The following POLRMT variants were observed in gnomAD, a reference collection of about 807,000 sequenced individuals.
POLRMT encodes DNA-directed RNA polymerase, mitochondrial.
POLRMT carries 114 observed loss-of-function variants against 132.2 expected under a neutral mutation model. The ratio of observed to expected loss-of-function variants is 0.86; its 90% CI spans 0.74 to 1.01. The LOEUF (loss-of-function observed/expected upper bound fraction) is 1.01, where lower values mean the gene tolerates loss of function less well. Ranked by LOEUF, POLRMT falls within the 50% of genes least tolerant of loss-of-function variation. POLRMT has a pLI of 0.00. For missense variants in POLRMT, 2,003 were observed against 1,729.1 expected (o/e 1.16, Z -2.81); for synonymous variants, 1,020 against 773.4 (o/e 1.32, Z -5.29).
At chr19:622,435 C>G in intron 8 of POLRMT, 62 bp from the exon 9 acceptor site, 1 of 1,475,710 alleles carries the variant, frequency 6.8e-7, no homozygotes, top group Non-Finnish European at 9.0e-7. Context: ...GCCCCACCGC[C>G]CGTGCCTGAC....
In POLRMT at chr19:632,542, G is replaced by A. The variant is rs1455047196; in HGVS notation, c.193+292C>T. On this transcript the variant is annotated intron_variant, in intron 2 of 20. Coordinates refer to ENST00000588649, the MANE Select transcript of POLRMT (RefSeq NM_005035.4). ...GTGGCCTTGGCGGCGGGGCCGGGGGGGGGGTCTCTCCAGACATAATCTTGG... is the reference window on the plus strand; with the variant it reads ...GTGGCCTTGGCGGCGGGGCCGGGGGAGGGGTCTCTCCAGACATAATCTTGG... 9.2e-5 allele frequency among the ~76,000 whole-genome samples: 14 copies of A among 151,770 alleles called. No individual in the cohort carries two copies. The East Asian group carries it at 2.7e-3, about 29-fold the overall frequency.
intron 3 of POLRMT, among the ~76,000 whole-genome samples, chr19:625,993 G>A (rs938816672): frequency 2.6e-5 from 4 of 152,084 alleles, no homozygotes; most frequent in East Asian, 1.9e-4. Flanking sequence ...GCACCACCGC[G>A]CCCGGCCATC....
intron 9 of POLRMT, 149 bp downstream of exon 9, chr19:622,000 C>A (rs2238548): frequency 8.8e-7 from 1 of 1,134,820 alleles, no homozygotes; most frequent in South Asian, 1.6e-5. Context: ...CGGCCGGACA[C>A]CTGCATGGAC....
chr19:618,446 C>A, intron 17 of POLRMT, 42 bp downstream of exon 17: 1 of 1,477,128 alleles, frequency 6.8e-7, no homozygotes, highest in Non-Finnish European at 9.3e-7. Flanking sequence ...AGAAGACGCC[C>A]CTGGGAGGCG....
chr19:632,258 T>C (rs1985473640), intron 2 of POLRMT, among the ~76,000 whole-genome samples: 1 of 152,122 alleles, frequency 6.6e-6, no homozygotes, highest in African/African-American at 2.4e-5. Flanking sequence ...TTATAAAGGT[T>C]CTCCCGCCTC....
Position 631,440 on chromosome 19 carries a change from C to CCATCCT in POLRMT, c.194-1278_194-1273dup, listed in dbSNP as rs2144706856. Among the ~76,000 whole-genome samples the CCATCCT allele has an allele frequency of 1.3e-5, 2 of 151,760 alleles. 1 individual carries two copies. The highest frequency in any genetic ancestry group is 4.2e-4 in the South Asian group (2 of 4,810). ...GGATCACGAGGTCAGGAGATCAAGACCATCCTGGCTAACACGGTGAAACCC... is the reference window on the plus strand; with the variant it reads ...GGATCACGAGGTCAGGAGATCAAGACCATCCTCATCCTGGCTAACACGGTGAAACCC... On this transcript the variant is annotated intron_variant, in intron 2 of 20. Coordinates refer to ENST00000588649, the MANE Select transcript of POLRMT (RefSeq NM_005035.4).
At chr19:618,673 C>CG in intron 16 of POLRMT, 32 bp downstream of exon 16, 3 of 1,604,628 alleles carry the variant, frequency 1.9e-6, no homozygotes, top group Non-Finnish European at 2.6e-6. Context: ...TCCAGACCCC[C>CG]GGCCAGGCCC....
At chr19:618,190 T>C in intron 17 of POLRMT, 2 of 546,388 alleles carry the variant, frequency 3.7e-6, no homozygotes, top group Non-Finnish European at 6.6e-6. Context: ...TAGATTCTGC[T>C]GGAACGACCT....
chr19:621,945 A>C, intron 9 of POLRMT, 99 bp from the exon 10 acceptor site: 17 of 1,413,606 alleles, frequency 1.2e-5, no homozygotes, highest in Non-Finnish European at 1.5e-5. Context: ...CCCGGCCAAC[A>C]AGAAACCAGT....
intron 3 of POLRMT, chr19:625,468 T>C: frequency 1.8e-6 from 1 of 557,258 alleles, no homozygotes; most frequent in South Asian, 2.7e-5. Context: ...CAGGTGGGAC[T>C]GTGGGAGGTT....
chr19:625,411 G>T, intron 3 of POLRMT, 157 bp from the exon 4 acceptor site: 1 of 956,104 alleles, frequency 1.0e-6, no homozygotes, highest in Non-Finnish European at 1.5e-6. Context: ...ATCCCCCTGA[G>T]GTTCTGACAC....
chr19:621,884 C>A (rs763252382), intron 9 of POLRMT, 38 bp from the exon 10 acceptor site: 7 of 1,594,436 alleles, frequency 4.4e-6, no homozygotes, highest in African/African-American at 1.3e-5. Flanking sequence ...GGCCCCGGTG[C>A]TGGGGCTTTC....
Position 632,943 on chromosome 19 carries a change from G to T in POLRMT, c.89-5C>A. The stretch of plus-strand genomic sequence containing the variant: ...CGCAGACGCCACCGGCGGTCCCTGC[G>T]GGAAAGACGAGAGCGGCTGAGCGGG... On this transcript the variant is annotated splice_region_variant and splice_polypyrimidine_tract_variant and intron_variant, in intron 1 of 20. Coordinates refer to ENST00000588649, the MANE Select transcript of POLRMT (RefSeq NM_005035.4). The T allele has an allele frequency of 6.7e-7, 1 of 1,498,370 alleles. No individual in the cohort carries two copies. The highest frequency in any genetic ancestry group is 8.9e-7 in the Non-Finnish European group (1 of 1,128,360). The allele number at this position is 1,498,370 out of a possible 1,614,324, so 92.8% of individuals were successfully genotyped here. A position where few individuals can be genotyped will look rare whatever the true frequency, so the allele number is the denominator to read the frequency against.
Position 619,634 on chromosome 19 carries a change from C to T in POLRMT, c.3018G>A (p.Gly1006=). ...TVVYGVTRYG[G]RLQIEKRLRE... Reference sequence around the variant, plus strand: ...GGAGGCGCTTCTCAATCTGCAGGCGCCCGCCATAGCGCGTGACCCCGTACA... The same window carrying T: ...GGAGGCGCTTCTCAATCTGCAGGCGTCCGCCATAGCGCGTGACCCCGTACA... The change falls in exon 13 of 21, where the codon GGG becomes GGA. Residue 1006 remains glycine, a synonymous_variant. Transcript: ENST00000588649. 1 of 1,610,818 alleles carries T rather than the reference C, an allele frequency of 6.2e-7. No homozygotes were observed. Among genetic ancestry groups the T allele is most frequent in the Non-Finnish European group, 8.5e-7 (1 of 1,179,672 alleles).
In POLRMT at chr19:622,991, G is replaced by A. The variant is rs202195465; in HGVS notation, c.1291-6C>T. 7.4e-6 allele frequency: 12 copies of A among 1,611,512 alleles called. No homozygotes were observed. The highest frequency in any genetic ancestry group is 2.7e-5 in the African/African-American group (2 of 75,036). On this transcript the variant is annotated splice_region_variant and splice_polypyrimidine_tract_variant and intron_variant, in intron 6 of 20. Coordinates refer to ENST00000588649, the MANE Select transcript of POLRMT (RefSeq NM_005035.4). The stretch of plus-strand genomic sequence containing the variant: ...AGGGTCTTCAGGGTCTTCCGCTGCG[G>A]GGGATGAACGGGCCCGGTGAGCCCC...
At chr19:625,780 G>A (rs976386711) in intron 3 of POLRMT, among the ~76,000 whole-genome samples, 3 of 150,758 alleles carry the variant, frequency 2.0e-5, no homozygotes, top group African/African-American at 7.3e-5. Flanking sequence ...CAGCTGGGCC[G>A]GGTTCTCTGC....
chr19:620,933 A>AGGGGAG (rs1355586968), intron 10 of POLRMT, 125 bp downstream of exon 10: 10 of 206,424 alleles, frequency 4.8e-5, no homozygotes, highest in East Asian at 9.6e-5. Context: ...AGGGGGCGCC[A>AGGGGAG]GGGGAGGGGG....
chr19:622,323 G>A lies in POLRMT; in HGVS notation c.1677C>T (p.Pro559=), dbSNP rs893145887. 1.1e-5 allele frequency: 17 copies of A among 1,563,222 alleles called. No individual in the cohort carries two copies. Among genetic ancestry groups the A allele is most frequent in the South Asian group, 2.3e-5 (2 of 85,514 alleles). ...PRQYWEELGA[P]EALREQPWPL... Reference sequence around the variant, plus strand: ...GCCAGGGCTGCTCCCGCAGGGCCTCGGGCGCCCCCAGCTCCTCCCAGTACT... The same window carrying A: ...GCCAGGGCTGCTCCCGCAGGGCCTCAGGCGCCCCCAGCTCCTCCCAGTACT... The change falls in exon 9 of 21, where the codon CCC becomes CCT. Residue 559 remains proline (P), a synonymous_variant. Transcript: ENST00000588649.
At chr19:618,294 A>G (rs532325799) in intron 17 of POLRMT, 194 bp downstream of exon 17, 2 of 576,332 alleles carry the variant, frequency 3.5e-6, no homozygotes, top group Non-Finnish European at 3.1e-6. Flanking sequence ...GTCGGGCCAC[A>G]GGAGGGGAGC....
Sources: allele counts gnomAD v4.1 joint callset (sites outside exome capture counted in the v4.1 genomes callset), GRCh38; gene constraint gnomAD v4.1.1; transcripts MANE v1.5; gene names NCBI Gene and HGNC (gene_info 2026-07-23, HGNC 2026-07-21).